Variants in RPGRIP1L observed in about 807,000 individuals in gnomAD.
The protein encoded by RPGRIP1L is RPGRIP1 like, also known as protein fantom.
In RPGRIP1L, 131 loss-of-function variants were observed where a neutral mutation model predicts 160.4. That is an observed-to-expected ratio of 0.82 (90% CI 0.71 to 0.94). The LOEUF (loss-of-function observed/expected upper bound fraction) is 0.94, where lower values mean the gene tolerates loss of function less well. RPGRIP1L is among the 40% of genes least tolerant of loss of function. RPGRIP1L has a pLI of 0.00. For missense variants in RPGRIP1L, 1,522 were observed against 1,535.8 expected, an observed-to-expected ratio of 0.99 and a Z score of 0.15; for synonymous variants, 510 against 515.8, an observed-to-expected ratio of 0.99 and a Z score of 0.15.
At chr16:53,637,896 G>T in intron 20 of RPGRIP1L, 42 bp from the exon 21 acceptor site, 1 of 1,583,748 alleles carries the variant, frequency 6.3e-7, no homozygotes, top group Non-Finnish European at 8.7e-7. Context: ...TAATTGCTTA[G>T]ATCACATTTT....
chr16:53,648,868 T>A lies in RPGRIP1L; in HGVS notation c.2304+96A>T, dbSNP rs930038242. ...ATAAAAGTTAAAAAAAGACACTTGA[T>A]GGCTGTGAAAATGATTTTAGTTTAA... On this transcript the variant is annotated intron_variant, in intron 16 of 26. Coordinates refer to ENST00000647211, the MANE Select transcript of RPGRIP1L (RefSeq NM_015272.5). 2.6e-5 allele frequency: 29 copies of A among 1,120,092 alleles called. No individual in the cohort carries two copies. In the East Asian group the frequency reaches 6.4e-4, roughly 25 times the overall value. 69.4% of individuals were successfully genotyped at this position (1,120,092 alleles called of 1,614,324 possible). A position where few individuals can be genotyped will look rare whatever the true frequency, so the allele number is the denominator to read the frequency against.
chr16:53,645,926 A>T lies in RPGRIP1L; in HGVS notation c.2382T>A (p.Ile794=). The T allele has an allele frequency of 1.2e-6, 2 of 1,614,122 alleles. No homozygotes were observed. Among genetic ancestry groups the T allele is most frequent in the South Asian group, 2.2e-5 (2 of 91,080 alleles). ...STDGNLNELH[I]TIRCCNHLQS... is the part of the protein sequence containing the mutation. Reference sequence around the variant, plus strand: ...GCAGGTGGTTGCAACATCTTATTGTAATGTGAAGTTCATTTAAGTTGCCAT... The same window carrying T: ...GCAGGTGGTTGCAACATCTTATTGTTATGTGAAGTTCATTTAAGTTGCCAT... Residue 794 remains isoleucine, a synonymous_variant, in exon 17 of 27, where the codon ATT becomes ATA. Coordinates refer to ENST00000647211, the MANE Select transcript of RPGRIP1L (RefSeq NM_015272.5).
At chr16:53,631,178 C>T (rs144920257) in intron 22 of RPGRIP1L, among the ~76,000 whole-genome samples, 49 of 152,270 alleles carry the variant, frequency 3.2e-4, no homozygotes, top group African/African-American at 1.0e-3. Context: ...AATTCTAAAG[C>T]GAGTGAATTG....
intron 10 of RPGRIP1L, chr16:53,659,915 A>G (rs1967627983): frequency 6.6e-6 from 1 of 151,978 alleles, no homozygotes; most frequent in South Asian, 2.1e-4. Context: ...TTCTTTATTC[A>G]CTGAGTTCAT....
chr16:53,691,783 T>C (rs1303347898), intron 4 of RPGRIP1L, among the ~76,000 whole-genome samples: 1 of 152,196 alleles, frequency 6.6e-6, no homozygotes, highest in East Asian at 1.9e-4. Flanking sequence ...CTGAGTACAG[T>C]GGGTTTAACC....
chr16:53,640,172 C>A (rs909694359), intron 19 of RPGRIP1L, among the ~76,000 whole-genome samples: 1 of 152,070 alleles, frequency 6.6e-6, no homozygotes, highest in Non-Finnish European at 1.5e-5. Flanking sequence ...AAATTTCATG[C>A]CTGTGCAATC....
chr16:53,678,473 T>A (rs898254728), intron 6 of RPGRIP1L, among the ~76,000 whole-genome samples: 1 of 152,166 alleles, frequency 6.6e-6, no homozygotes, highest in Non-Finnish European at 1.5e-5. Context: ...TAATGTATAG[T>A]CTAATATGAA....
At chr16:53,673,991 C>T (rs1968954250) in intron 7 of RPGRIP1L, among the ~76,000 whole-genome samples, 1 of 152,098 alleles carries the variant, frequency 6.6e-6, no homozygotes, top group Non-Finnish European at 1.5e-5. Flanking sequence ...TTTTTCAATT[C>T]CTTTCTTAAT....
intron 6 of RPGRIP1L, among the ~76,000 whole-genome samples, chr16:53,680,736 A>T (rs1039845738): frequency 1.3e-5 from 2 of 152,006 alleles, no homozygotes; most frequent in African/African-American, 4.8e-5. Context: ...ACTTACCCGT[A>T]ACTGTACAGA....
At chr16:53,668,552 C>A (rs916784067) in intron 9 of RPGRIP1L, among the ~76,000 whole-genome samples, 1 of 151,918 alleles carries the variant, frequency 6.6e-6, no homozygotes, top group African/African-American at 2.4e-5. Context: ...GATGGATAGG[C>A]GAAGAAGCTC....
chr16:53,617,170 T>C (rs559443256), intron 24 of RPGRIP1L, among the ~76,000 whole-genome samples: 7 of 147,892 alleles, frequency 4.7e-5, no homozygotes, highest in Non-Finnish European at 1.0e-4. Flanking sequence ...TTGGGCCACT[T>C]GAGCATATAT....
chr16:53,678,183 T>A (rs1368398294), intron 6 of RPGRIP1L, among the ~76,000 whole-genome samples: 1 of 152,042 alleles, frequency 6.6e-6, no homozygotes, highest in Non-Finnish European at 1.5e-5. Context: ...GATCAAATCT[T>A]ATAAAACTAT....
intron 6 of RPGRIP1L, among the ~76,000 whole-genome samples, chr16:53,679,130 G>A (rs1447071723): frequency 6.6e-6 from 1 of 152,116 alleles, no homozygotes; most frequent in African/African-American, 2.4e-5. Context: ...ATATTTATTT[G>A]CCTCTGAATC....
At chr16:53,658,098 A>G (rs936366268) in intron 12 of RPGRIP1L, among the ~76,000 whole-genome samples, 11 of 152,190 alleles carry the variant, frequency 7.2e-5, no homozygotes, top group Non-Finnish European at 1.3e-4. Flanking sequence ...GATGAGTTAA[A>G]TAGTGAAGCA....
At position 53,695,151 on chromosome 16, in the gene RPGRIP1L, T is replaced by C. The variant is rs900319562; in HGVS notation, c.230+1000A>G. The C allele has an allele frequency of 5.4e-6, 3 of 560,486 alleles. No homozygotes were observed. The African/African-American group carries it at 5.6e-5, about 11-fold the overall frequency. The allele number at this position is 560,486 out of a possible 1,614,324, so 34.7% of individuals were successfully genotyped here. On this transcript the variant is annotated intron_variant, in intron 3 of 26. Transcript: ENST00000647211. Reference sequence around the variant, plus strand: ...AAGGATGTGAATTCGATTCTTTTACTGACCAATTAGGCTTACAAAGAAAAA... The same window carrying C: ...AAGGATGTGAATTCGATTCTTTTACCGACCAATTAGGCTTACAAAGAAAAA...
chr16:53,628,379 A>T (rs1032008209), intron 22 of RPGRIP1L: 1 of 152,170 alleles, frequency 6.6e-6, no homozygotes, highest in Non-Finnish European at 1.5e-5. Flanking sequence ...GTAGGAATGC[A>T]TATTAATTAA....
rs565070054 is a variant in RPGRIP1L at position 53,622,399 on chromosome 16, A to G, written c.3295-43T>C. 69 of 591,696 alleles carry G rather than the reference A, an allele frequency of 1.2e-4. No homozygotes were observed. The Middle Eastern group carries it at 1.3e-3, about 11-fold the overall frequency. 36.7% of individuals were successfully genotyped at this position (591,696 alleles called of 1,614,324 possible). ...AAAAAATCTTAAGATTAAGAAGCAC[A>G]TTAAATGCATAATAGACAACTTCAT... On this transcript the variant is annotated intron_variant, in intron 22 of 26. Transcript: ENST00000647211.
chr16:53,684,753 TA>T (rs1019509487), intron 6 of RPGRIP1L, among the ~76,000 whole-genome samples: 258 of 137,796 alleles, frequency 1.9e-3, no homozygotes, highest in African/African-American at 4.3e-3. Context: ...ATAATAAAAT[TA>T]AAAAAAAAAA....
intron 14 of RPGRIP1L, among the ~76,000 whole-genome samples, chr16:53,655,269 C>G (rs186310059): frequency 6.6e-6 from 1 of 152,072 alleles, no homozygotes; most frequent in East Asian, 1.9e-4. Flanking sequence ...GAAAATATAA[C>G]TTAAAAAAGG....
Sources: gnomAD v4.1 joint callset for allele counts (sites outside exome capture counted in the v4.1 genomes callset) on GRCh38, gnomAD v4.1.1 for gene constraint, MANE v1.5 for transcripts, NCBI Gene and HGNC (gene_info 2026-07-23, HGNC 2026-07-21) for gene names.